Variants in EYS observed in about 807,000 individuals in gnomAD.
The protein encoded by EYS is EGF-like photoreceptor maintenance factor.
Under a neutral mutation model 282.1 loss-of-function variants are expected in EYS, and 250 were observed. The observed-to-expected ratio is 0.89, with a 90% CI of 0.80 to 0.98. The LOEUF is 0.98. Among genes scored for constraint, EYS ranks in the 50% least tolerant of loss-of-function variants. The pLI is 0.00. For synonymous variants in EYS, 1,355 were observed against 1,282.9 expected, an observed-to-expected ratio of 1.06 and a Z score of -1.20; for missense variants, 4,016 against 3,709.0, an observed-to-expected ratio of 1.08 and a Z score of -2.15.
At chr6:64,973,909 T>C (rs1307777125) in intron 14 of EYS, among the ~76,000 whole-genome samples, 1 of 151,906 alleles carries the variant, frequency 6.6e-6, no homozygotes, top group Non-Finnish European at 1.5e-5. Flanking sequence ...AATTAAAATA[T>C]GAGACAAAAT....
Position 63,897,140 on chromosome 6 carries a change from A to G in EYS, c.7056-32782T>C, listed in dbSNP as rs1052570932. Among the ~76,000 whole-genome samples the G allele has an allele frequency of 9.2e-5, 14 of 152,332 alleles. No homozygotes were observed. In the East Asian group the frequency reaches 2.7e-3, roughly 29 times the overall value. On this transcript the variant is annotated intron_variant, in intron 35 of 42. Transcript: ENST00000503581. ...ACCACAGATGATCTGTTAAGAGTTT[A>G]GTGTATATCCTTCCAATTACCTTCA... is the stretch of plus-strand genomic sequence containing the variant.
intron 5 of EYS, among the ~76,000 whole-genome samples, chr6:65,415,945 A>G (rs1767215394): frequency 6.6e-6 from 1 of 152,066 alleles, no homozygotes; most frequent in Non-Finnish European, 1.5e-5. Flanking sequence ...AAACAAATTA[A>G]TAAGTAGAGA....
chr6:65,604,090 A>T (rs1164861294), intron 2 of EYS, among the ~76,000 whole-genome samples: 1 of 151,884 alleles, frequency 6.6e-6, no homozygotes, highest in Non-Finnish European at 1.5e-5. Flanking sequence ...ATGTCCTCAA[A>T]GTCTCCTCTC....
chr6:63,796,939 G>C (rs1375606379), intron 37 of EYS, among the ~76,000 whole-genome samples: 1 of 152,204 alleles, frequency 6.6e-6, no homozygotes, highest in African/African-American at 2.4e-5. Context: ...CAACGATGGT[G>C]CTGTGGTTCT....
In EYS at chr6:63,937,350, T is replaced by C. The variant is rs866750277; in HGVS notation, c.7055+47033A>G. On this transcript the variant is annotated intron_variant, in intron 35 of 42. Transcript: ENST00000503581. ...TTTCTAGGCTTCTCTCTTTTCTTTT[T>C]TTTTTTTTTTTTTTTTTTTTTTTTT... Among the ~76,000 whole-genome samples the C allele has an allele frequency of 6.8e-3, 163 of 23,962 alleles. 1 individual carries two copies. Among genetic ancestry groups the C allele is most frequent in the South Asian group, 0.012 (8 of 674 alleles). 15.7% of individuals were successfully genotyped at this position (23,962 alleles called of 152,430 possible). A position where few individuals can be genotyped will look rare whatever the true frequency, so the allele number is the denominator to read the frequency against.
At chr6:65,605,041 C>T (rs6941290) in intron 2 of EYS, among the ~76,000 whole-genome samples, 49 of 147,622 alleles carry the variant, frequency 3.3e-4, no homozygotes, top group African/African-American at 1.2e-3. Flanking sequence ...ACGGGGGTCT[C>T]ACTATTTTTC....
Position 64,454,264 on chromosome 6 carries a change from C to G in EYS, c.5645-14912G>C, listed in dbSNP as rs547059646. ...GACAGATTGTCAACCCTCAGCCAAT[C>G]AAACACAGAGTTAATTGGTTTTTTG... On this transcript the variant is annotated intron_variant, in intron 26 of 42. Coordinates refer to ENST00000503581, the MANE Select transcript of EYS (RefSeq NM_001142800.2). 1.5e-4 allele frequency among the ~76,000 whole-genome samples: 23 copies of G among 152,244 alleles called. No individual in the cohort carries two copies. The East Asian group carries it at 4.4e-3, about 29-fold the overall frequency.
chr6:65,706,235 C>T (rs1228083927), intron 1 of EYS, among the ~76,000 whole-genome samples: 1 of 151,452 alleles, frequency 6.6e-6, no homozygotes, highest in African/African-American at 2.4e-5. Context: ...TCAATAGTTT[C>T]TAATATTATG....
intron 11 of EYS, among the ~76,000 whole-genome samples, chr6:65,333,378 C>A (rs1769866025): frequency 6.6e-6 from 1 of 151,540 alleles, no homozygotes; most frequent in Non-Finnish European, 1.5e-5. Context: ...TAATCTCATT[C>A]AATTTTGGTC....
chr6:64,963,936 C>T (rs892532744), intron 14 of EYS, among the ~76,000 whole-genome samples: 1 of 151,962 alleles, frequency 6.6e-6, no homozygotes, highest in African/African-American at 2.4e-5. Context: ...TTATGTTGTA[C>T]TTTTTTATTA....
intron 12 of EYS, among the ~76,000 whole-genome samples, chr6:65,244,957 G>A (rs1767144815): frequency 2.0e-5 from 3 of 152,202 alleles, no homozygotes; most frequent in South Asian, 4.1e-4. Flanking sequence ...TTGGCTTATT[G>A]TAGTTCCACT....
intron 12 of EYS, among the ~76,000 whole-genome samples, chr6:65,089,759 GC>G (rs1015797466): frequency 6.6e-6 from 1 of 151,756 alleles, no homozygotes; most frequent in Admixed American, 6.6e-5. Flanking sequence ...ATTGAGATCA[GC>G]CCAGCCAACA....
intron 1 of EYS, among the ~76,000 whole-genome samples, chr6:65,681,510 G>A (rs187995093): frequency 6.6e-6 from 1 of 152,022 alleles, no homozygotes; most frequent in African/African-American, 2.4e-5. Flanking sequence ...TTTGCTTTAC[G>A]TTAATGATCT....
chr6:64,236,519 C>T (rs1011633025), intron 30 of EYS, among the ~76,000 whole-genome samples: 3 of 152,106 alleles, frequency 2.0e-5, no homozygotes, highest in African/African-American at 7.2e-5. Context: ...AAAGAGGCTT[C>T]ACCGTTTTAC....
At chr6:65,510,347 C>A (rs1215790875) in intron 2 of EYS, among the ~76,000 whole-genome samples, 2 of 152,030 alleles carry the variant, frequency 1.3e-5, no homozygotes, top group East Asian at 1.9e-4. Context: ...GACATGAAAT[C>A]ATCATTTTTA....
intron 11 of EYS, chr6:65,329,451 T>C: frequency 1.2e-5 from 11 of 950,716 alleles, no homozygotes; most frequent in Non-Finnish European, 1.4e-5. Context: ...AGAGAGAAAA[T>C]ATATCAGTGT....
intron 30 of EYS, among the ~76,000 whole-genome samples, chr6:64,248,295 TC>T (rs34548639): frequency 0.26 from 39,163 of 151,568 alleles, 5,446 homozygotes; most frequent in East Asian, 0.43. Flanking sequence ...AGTGAAGTCA[TC>T]AATGTCTCTT....
intron 32 of EYS, among the ~76,000 whole-genome samples, chr6:64,071,459 T>C (rs1368967247): frequency 6.6e-6 from 1 of 151,740 alleles, no homozygotes; most frequent in East Asian, 2.0e-4. Flanking sequence ...TTATACATGT[T>C]TGTGCCCCTT....
At chr6:64,586,256 A>G (rs1008402382) in intron 26 of EYS, among the ~76,000 whole-genome samples, 1 of 152,076 alleles carries the variant, frequency 6.6e-6, no homozygotes, top group African/African-American at 2.4e-5. Context: ...GAGGAAACAG[A>G]CACTCATTGA....
Sources: gnomAD v4.1 joint callset for allele counts (sites outside exome capture counted in the v4.1 genomes callset) on GRCh38, gnomAD v4.1.1 for gene constraint, MANE v1.5 for transcripts, NCBI Gene and HGNC (gene_info 2026-07-23, HGNC 2026-07-21) for gene names.